The following HDAC9 variants were observed in gnomAD, a reference collection of about 807,000 sequenced individuals.
HDAC9 encodes the protein histone deacetylase 9, also known as MEF-2 interacting transcription repressor (MITR) protein.
Under a neutral mutation model 139.4 loss-of-function variants are expected in HDAC9, and 41 were observed. The ratio of observed to expected loss-of-function variants is 0.29; its 90% CI spans 0.23 to 0.38. HDAC9 has a LOEUF of 0.38. Among genes scored for constraint, HDAC9 ranks in the 10% least tolerant of loss-of-function variants. The pLI is 1.00. For synonymous variants in HDAC9, 517 were observed against 476.2 expected, an observed-to-expected ratio of 1.09 and a Z score of -1.12; for missense variants, 1,147 against 1,297.0, an observed-to-expected ratio of 0.88 and a Z score of 1.78.
intron 13 of HDAC9, among the ~76,000 whole-genome samples, chr7:18,732,196 T>G (rs1786119905): frequency 2.0e-5 from 3 of 152,196 alleles, no homozygotes; most frequent in African/African-American, 7.2e-5. Flanking sequence ...ACTTTCGTGG[T>G]AACATTTATA....
intron 2 of HDAC9, among the ~76,000 whole-genome samples, chr7:18,565,936 A>G (rs909185787): frequency 3.3e-5 from 5 of 152,080 alleles, no homozygotes; most frequent in Admixed American, 1.3e-4. Flanking sequence ...TTATTAAGCA[A>G]TGTGGGAGCT....
At chr7:18,315,928 T>C (rs1003391764) in intron 1 of HDAC9, among the ~76,000 whole-genome samples, 1 of 152,250 alleles carries the variant, frequency 6.6e-6, no homozygotes, top group Non-Finnish European at 1.5e-5. Flanking sequence ...TTTCTATTTA[T>C]GTGACTTCGG....
chr7:18,940,308 T>C (rs1781938575), intron 23 of HDAC9, among the ~76,000 whole-genome samples: 1 of 152,212 alleles, frequency 6.6e-6, no homozygotes, highest in African/African-American at 2.4e-5. Context: ...ATCTCTTAAC[T>C]ATTCTTTTCA....
chr7:18,613,044 CTAAT>C (rs1837594749), intron 6 of HDAC9, among the ~76,000 whole-genome samples: 1 of 148,318 alleles, frequency 6.7e-6, no homozygotes, highest in Non-Finnish European at 1.5e-5. Flanking sequence ...ATTTATATAT[CTAAT>C]TATGTATTTA....
intron 2 of HDAC9, among the ~76,000 whole-genome samples, chr7:18,191,492 T>C (rs191324208): frequency 1.6e-4 from 25 of 152,348 alleles, no homozygotes; most frequent in African/African-American, 6.0e-4. Context: ...CAGAGAACTC[T>C]CTTTGAATAT....
chr7:18,432,723 G>A (rs376463361), intron 1 of HDAC9, among the ~76,000 whole-genome samples: 6 of 152,190 alleles, frequency 3.9e-5, no homozygotes, highest in African/African-American at 4.8e-5. Flanking sequence ...CGAGGTGGGC[G>A]GATCACGAGG....
At chr7:18,843,518 C>G (rs1450657690) in intron 21 of HDAC9, among the ~76,000 whole-genome samples, 3 of 152,014 alleles carry the variant, frequency 2.0e-5, no homozygotes, top group Non-Finnish European at 4.4e-5. Flanking sequence ...TCACACTTTT[C>G]TTCATAGTTC....
chr7:18,586,493 C>T (rs769340304), intron 3 of HDAC9, among the ~76,000 whole-genome samples: 3 of 151,980 alleles, frequency 2.0e-5, no homozygotes, highest in Non-Finnish European at 2.9e-5. Context: ...ATTATAGGAA[C>T]TTTATTACTT....
chr7:18,531,594 A>G (rs1213670693), intron 2 of HDAC9, among the ~76,000 whole-genome samples: 2 of 152,132 alleles, frequency 1.3e-5, no homozygotes, highest in Admixed American at 6.5e-5. Context: ...TGCATGACCT[A>G]TATGTTGCTC....
At chr7:18,245,294 T>C (rs1158384885) in intron 2 of HDAC9, among the ~76,000 whole-genome samples, 1 of 152,234 alleles carries the variant, frequency 6.6e-6, no homozygotes, top group Non-Finnish European at 1.5e-5. Context: ...TCAGAGGCTA[T>C]GCTATCAAAT....
chr7:18,954,382 A>C (rs1324818490), intron 24 of HDAC9, 152 bp downstream of exon 24: 7 of 625,262 alleles, frequency 1.1e-5, no homozygotes, highest in Non-Finnish European at 1.9e-5. Flanking sequence ...CTCTTAATGC[A>C]GCAATCTTAT....
At chr7:18,822,134 A>G (rs1795020670) in intron 17 of HDAC9, among the ~76,000 whole-genome samples, 1 of 152,112 alleles carries the variant, frequency 6.6e-6, no homozygotes, top group Non-Finnish European at 1.5e-5. Context: ...GCCCTTGATA[A>G]TCAACTCTAC....
At position 18,260,278 on chromosome 7, in the gene HDAC9, G is replaced by A. The variant is rs180785304; in HGVS notation, c.25+97929G>A. 1.2e-4 allele frequency among the ~76,000 whole-genome samples: 18 copies of A among 150,686 alleles called. No homozygotes were observed. The East Asian group carries it at 3.3e-3, about 28-fold the overall frequency. ...TGCTGTTGAGAGGGCTAGCATTTAC[G>A]GGGTGCTAATTCTGTGACAGACACT... On this transcript the variant is annotated intron_variant, in intron 2 of 12. Coordinates refer to the HDAC9 transcript ENST00000417496.
chr7:18,840,322 G>A (rs35936891), intron 21 of HDAC9, among the ~76,000 whole-genome samples: 18,826 of 151,890 alleles, frequency 0.12, 2,438 homozygotes, highest in African/African-American at 0.33. Context: ...AATATTTGTT[G>A]TTGATGCATA....
At position 18,270,157 on chromosome 7, in the gene HDAC9, G is replaced by A. The variant is rs536876546; in HGVS notation, c.25+107808G>A. Among the ~76,000 whole-genome samples, 3 of 152,098 alleles carry A rather than the reference G, an allele frequency of 2.0e-5. No homozygotes were observed. In the South Asian group the frequency reaches 6.3e-4, roughly 32 times the overall value. The stretch of plus-strand genomic sequence containing the variant: ...TGGGGCACTGTGTAGTGGCAGAATG[G>A]TCCTTGTTGAAATCCACTGTAATAG... On this transcript the variant is annotated intron_variant, in intron 2 of 12. Transcript: ENST00000417496.
chr7:18,803,463 A>T (rs530733707), intron 17 of HDAC9, among the ~76,000 whole-genome samples: 275 of 152,090 alleles, frequency 1.8e-3, no homozygotes, highest in African/African-American at 6.4e-3. Context: ...CTTCCAGGAC[A>T]TTTTTTCGGA....
At chr7:18,156,736 G>A (rs1787234427) in intron 1 of HDAC9, among the ~76,000 whole-genome samples, 2 of 152,260 alleles carry the variant, frequency 1.3e-5, no homozygotes, top group African/African-American at 4.8e-5. Context: ...GTTATTATGG[G>A]TATGGTACAA....
intron 21 of HDAC9, among the ~76,000 whole-genome samples, chr7:18,874,062 T>C (rs1799132378): frequency 6.6e-6 from 1 of 152,046 alleles, no homozygotes; most frequent in African/African-American, 2.4e-5. Context: ...TAGTTCAAAT[T>C]TACACCAAGT....
At chr7:18,862,143 G>A (rs1021967070) in intron 21 of HDAC9, among the ~76,000 whole-genome samples, 1 of 152,114 alleles carries the variant, frequency 6.6e-6, no homozygotes, top group African/African-American at 2.4e-5. Flanking sequence ...CGTCATCAAA[G>A]GAAAGACACA....
Sources: allele counts gnomAD v4.1 joint callset (sites outside exome capture counted in the v4.1 genomes callset), GRCh38; gene constraint gnomAD v4.1.1; transcripts MANE v1.5; gene names NCBI Gene and HGNC (gene_info 2026-07-23, HGNC 2026-07-21).